SYN3: variants seen among roughly 807,000 people sequenced by gnomAD.
The protein encoded by SYN3 is synapsin-3.
A neutral mutation model predicts 65.8 loss-of-function variants in SYN3; 35 were observed. The observed-to-expected ratio is 0.53, with a 90% confidence interval of 0.41 to 0.70. The LOEUF is 0.70. SYN3 is among the 30% of genes least tolerant of loss of function. The pLI is 0.00. For synonymous variants in SYN3, 270 were observed against 292.9 expected (o/e 0.92, Z 0.80); for missense variants, 680 against 749.0 (o/e 0.91, Z 1.08).
intron 6 of SYN3, among the ~76,000 whole-genome samples, chr22:32,858,496 C>G (rs1199264122): frequency 2.0e-5 from 3 of 152,132 alleles, no homozygotes; most frequent in Non-Finnish European, 4.4e-5. Flanking sequence ...AGTGGGCTCA[C>G]CCTGGTAGCT....
At chr22:32,741,069 G>C (rs1442632691) in intron 6 of SYN3, among the ~76,000 whole-genome samples, 1 of 152,176 alleles carries the variant, frequency 6.6e-6, no homozygotes, top group Non-Finnish European at 1.5e-5. Context: ...GCTGAGAAAA[G>C]GGAGACACTG....
At chr22:32,802,149 G>GC in intron 6 of SYN3, 2 of 1,568,582 alleles carry the variant, frequency 1.3e-6, no homozygotes. Flanking sequence ...CCCCGCCCGA[G>GC]CCCCACGCTG....
At chr22:32,841,096 T>C (rs2146196304) in intron 6 of SYN3, among the ~76,000 whole-genome samples, 1 of 152,366 alleles carries the variant, frequency 6.6e-6, no homozygotes, top group Admixed American at 6.5e-5. Flanking sequence ...AATCACTCTG[T>C]GTGTGGCACT....
rs34967500 is a variant in SYN3 at position 32,643,549 on chromosome 22, TGGG to T, written c.712-46816_712-46814del. ...TAATGAGAGGGCAAATTAGAAATGG[TGGG>T]GGGGCGGGGGGGGCAGAACAGACCC... On this transcript the variant is annotated intron_variant, in intron 6 of 13. Coordinates refer to ENST00000358763, the MANE Select transcript of SYN3 (RefSeq NM_003490.4). 4.4e-4 allele frequency among the ~76,000 whole-genome samples: 2 copies of T among 4,526 alleles called. 1 individual carries two copies. Among genetic ancestry groups the T allele is most frequent in the Admixed American group, 4.7e-3 (2 of 424 alleles). 3.0% of individuals were successfully genotyped at this position (4,526 alleles called of 152,430 possible). A position where few individuals can be genotyped will look rare whatever the true frequency, so the allele number is the denominator to read the frequency against.
At chr22:32,969,712 G>A (rs1221157514) in intron 3 of SYN3, among the ~76,000 whole-genome samples, 3 of 152,122 alleles carry the variant, frequency 2.0e-5, no homozygotes, top group African/African-American at 7.2e-5. Flanking sequence ...AAGGGAGCAG[G>A]ATTAGATAAT....
intron 6 of SYN3, among the ~76,000 whole-genome samples, chr22:32,729,642 G>A (rs559287905): frequency 3.9e-5 from 6 of 152,340 alleles, no homozygotes; most frequent in African/African-American, 1.4e-4. Context: ...CCCCCATAAT[G>A]ACATCACTCT....
At chr22:32,676,310 A>G (rs2060440466) in intron 6 of SYN3, among the ~76,000 whole-genome samples, 1 of 152,082 alleles carries the variant, frequency 6.6e-6, no homozygotes, top group African/African-American at 2.4e-5. Flanking sequence ...ATTTGGAAGG[A>G]GCTGGGCAGA....
At position 32,931,451 on chromosome 22, in the gene SYN3, A is replaced by G. The variant is rs2050628529; in HGVS notation, c.400T>C (p.Tyr134His). 6.2e-7 allele frequency: 1 copy of G among 1,613,874 alleles called. No homozygotes were observed. Among genetic ancestry groups the G allele is most frequent in the Non-Finnish European group, 8.5e-7 (1 of 1,179,880 alleles). The change falls in exon 4 of 14, where the codon TAT (tyrosine) becomes CAT (histidine). Residue 134 changes from tyrosine (Y) to histidine (H), a missense_variant. Coordinates refer to ENST00000358763, the MANE Select transcript of SYN3 (RefSeq NM_003490.4). ...TCCACCATGCAGCCCCCGGTCACAT[A>G]GGCAGCTAGGTTCAACTCTGAGAAT... is the stretch of plus-strand genomic sequence containing the variant. ...AEFSELNLAA[Y>H]VTGGCMVDMQ...
rs1440946357 is a variant in SYN3 at position 32,512,027 on chromosome 22, C to T, written c.*1665G>A. On this transcript the variant is annotated 3_prime_UTR_variant, in exon 14 of 14. Transcript: ENST00000358763. ...TCTCCAGCCAATAGCCCGTCAAAAG[C>T]CAGCTTGAAGGCAGGCTTTTCTGAG... Among the ~76,000 whole-genome samples, 3 of 152,182 alleles carry T rather than the reference C, an allele frequency of 2.0e-5. No homozygotes were observed.
chr22:32,834,179 T>C (rs1290027593), intron 6 of SYN3, among the ~76,000 whole-genome samples: 1 of 148,228 alleles, frequency 6.7e-6, no homozygotes, highest in African/African-American at 2.5e-5. Flanking sequence ...TGAGATGGAG[T>C]CTCATTCTTC....
chr22:32,973,877 C>T (rs2052099607), intron 3 of SYN3, among the ~76,000 whole-genome samples: 1 of 152,218 alleles, frequency 6.6e-6, no homozygotes, highest in Non-Finnish European at 1.5e-5. Context: ...CAACCTCTGC[C>T]TCCTGGGTTC....
intron 6 of SYN3, among the ~76,000 whole-genome samples, chr22:32,676,169 C>T (rs999435658): frequency 1.1e-4 from 17 of 152,212 alleles, no homozygotes; most frequent in African/African-American, 4.1e-4. Context: ...GAAATACTGT[C>T]TTTCATCAAG....
intron 13 of SYN3, among the ~76,000 whole-genome samples, chr22:32,516,435 C>G (rs1355557099): frequency 6.6e-6 from 1 of 152,120 alleles, no homozygotes; most frequent in African/African-American, 2.4e-5. Context: ...GCCATCTCAG[C>G]TCACTGCAAC....
At chr22:32,845,991 C>T (rs2048051588) in intron 6 of SYN3, among the ~76,000 whole-genome samples, 1 of 152,132 alleles carries the variant, frequency 6.6e-6, no homozygotes, top group South Asian at 2.1e-4. Flanking sequence ...ATAGGTGGAT[C>T]TGGGGTTGGC....
At chr22:32,735,014 C>A (rs980407022) in intron 6 of SYN3, among the ~76,000 whole-genome samples, 1 of 152,174 alleles carries the variant, frequency 6.6e-6, no homozygotes, top group African/African-American at 2.4e-5. Context: ...ATTTAGGCTT[C>A]CCAATGAGGG....
chr22:32,812,072 C>T (rs1185294867), intron 6 of SYN3, among the ~76,000 whole-genome samples: 1 of 152,102 alleles, frequency 6.6e-6, no homozygotes, highest in East Asian at 1.9e-4. Context: ...TCTGGAGTCC[C>T]CTTGGTGATA....
chr22:32,689,148 C>A (rs1480034783), intron 6 of SYN3, among the ~76,000 whole-genome samples: 1 of 152,090 alleles, frequency 6.6e-6, no homozygotes, highest in African/African-American at 2.4e-5. Context: ...ACAGTGATGG[C>A]TTAGGGAAGG....
At chr22:32,786,231 C>A (rs9609631) in intron 6 of SYN3, among the ~76,000 whole-genome samples, 25,354 of 152,058 alleles carry the variant, frequency 0.17, 2,650 homozygotes, top group East Asian at 0.35. Context: ...TGCATAAGAG[C>A]ACACAGTGAG....
At chr22:32,624,411 G>C (rs1312001068) in intron 6 of SYN3, among the ~76,000 whole-genome samples, 1 of 152,174 alleles carries the variant, frequency 6.6e-6, no homozygotes, top group Non-Finnish European at 1.5e-5. Flanking sequence ...ATACACACCT[G>C]CCCGGTCATA....
Sources: gnomAD v4.1 joint callset for allele counts (sites outside exome capture counted in the v4.1 genomes callset) on GRCh38, gnomAD v4.1.1 for gene constraint, MANE v1.5 for transcripts, NCBI Gene and HGNC (gene_info 2026-07-23, HGNC 2026-07-21) for gene names.